Variants in RAB38 observed in about 807,000 individuals in gnomAD.
RAB38 encodes the protein RAB38, member RAS oncogene family.
Under a neutral mutation model 18.4 loss-of-function variants are expected in RAB38, and 15 were observed. The ratio of observed to expected loss-of-function variants is 0.82; its 90% CI spans 0.55 to 1.26. The LOEUF is 1.26. Among genes scored for constraint, RAB38 ranks in the 50% most tolerant of loss-of-function variants. RAB38 has a pLI of 0.00. For missense variants in RAB38, 294 were observed against 267.4 expected (o/e 1.10, Z -0.69); for synonymous variants, 101 against 104.4 (o/e 0.97, Z 0.20).
At chr11:87,949,283 CTTCT>C in the RAB38 span, among the ~76,000 whole-genome samples, 7 of 152,096 alleles carry the variant, frequency 4.6e-5, no homozygotes, top group Admixed American at 1.3e-4. Context: ...TCTCTCTTTT[CTTCT>C]TTGTTAGTTT....
At chr11:87,934,506 AATTT>A in the RAB38 span, among the ~76,000 whole-genome samples, 220 of 152,240 alleles carry the variant, frequency 1.4e-3, 2 homozygotes, top group African/African-American at 4.8e-3. Flanking sequence ...GACCCAGTTG[AATTT>A]ATTATTTGGG....
the RAB38 span, among the ~76,000 whole-genome samples, chr11:88,069,482 A>T: frequency 3.3e-5 from 5 of 152,168 alleles, no homozygotes; most frequent in Middle Eastern, 3.2e-3. Context: ...CTGGTGCGGG[A>T]TCCACTAGGT....
chr11:88,150,286 A>G (rs1943048645), intron 1 of RAB38, among the ~76,000 whole-genome samples: 1 of 152,224 alleles, frequency 6.6e-6, no homozygotes, highest in Admixed American at 6.5e-5. Flanking sequence ...TAATTCAAGT[A>G]TTCTGTCACC....
the RAB38 span, among the ~76,000 whole-genome samples, chr11:88,030,495 G>C: frequency 6.6e-6 from 1 of 151,552 alleles, no homozygotes. Flanking sequence ...GACTAATAAA[G>C]AAAAAAAGAG....
At chr11:87,826,982 C>A in the RAB38 span, among the ~76,000 whole-genome samples, 1 of 152,096 alleles carries the variant, frequency 6.6e-6, no homozygotes, top group Admixed American at 6.6e-5. Context: ...CCTGACATTT[C>A]TTTTTCCTGT....
chr11:87,895,180 T>C, the RAB38 span, among the ~76,000 whole-genome samples: 1 of 151,622 alleles, frequency 6.6e-6, no homozygotes, highest in Non-Finnish European at 1.5e-5. Context: ...AAGCAGCTTG[T>C]CTGGCTGATG....
chr11:88,054,663 A>G, the RAB38 span, among the ~76,000 whole-genome samples: 1 of 152,252 alleles, frequency 6.6e-6, no homozygotes, highest in African/African-American at 2.4e-5. Flanking sequence ...GGAAAGATAT[A>G]CAAGGGACAT....
At chr11:88,079,542 G>T in the RAB38 span, among the ~76,000 whole-genome samples, 3 of 151,584 alleles carry the variant, frequency 2.0e-5, no homozygotes, top group East Asian at 3.9e-4. Flanking sequence ...ATGGAATACT[G>T]GTCACCTGAT....
chr11:88,099,363 G>GT, the RAB38 span, among the ~76,000 whole-genome samples: 5 of 150,914 alleles, frequency 3.3e-5, no homozygotes, highest in East Asian at 3.9e-4. Flanking sequence ...ATGTTATTTT[G>GT]TTTTTTTAAT....
At chr11:88,041,375 T>C in the RAB38 span, among the ~76,000 whole-genome samples, 2 of 152,198 alleles carry the variant, frequency 1.3e-5, no homozygotes, top group Admixed American at 1.3e-4. Context: ...GGAAAGACCT[T>C]GCCTCCTTGC....
At chr11:87,879,086 C>T in the RAB38 span, among the ~76,000 whole-genome samples, 3 of 149,508 alleles carry the variant, frequency 2.0e-5, no homozygotes, top group South Asian at 4.2e-4. Context: ...ACACTCTGGT[C>T]GTTTGCTTTG....
chr11:88,054,249 T>C, the RAB38 span, among the ~76,000 whole-genome samples: 1 of 152,194 alleles, frequency 6.6e-6, no homozygotes, highest in Non-Finnish European at 1.5e-5. Flanking sequence ...ATCTTCATCT[T>C]GTTTTTTTGA....
the RAB38 span, among the ~76,000 whole-genome samples, chr11:87,850,700 A>T: frequency 1.4e-5 from 2 of 143,660 alleles, no homozygotes; most frequent in African/African-American, 5.2e-5. Context: ...GGGGGATCCA[A>T]TCCCACAACA....
chr11:88,098,841 G>A, the RAB38 span: 1 of 151,816 alleles, frequency 6.6e-6, no homozygotes, highest in Non-Finnish European at 1.5e-5. Context: ...TCTCCTCCAG[G>A]TACAGAAAAA....
chr11:88,040,900 C>T, the RAB38 span, among the ~76,000 whole-genome samples: 52 of 152,260 alleles, frequency 3.4e-4, 1 homozygote, highest in Non-Finnish European at 6.2e-4. Context: ...GATACAGCCC[C>T]TTAAAATTAT....
the RAB38 span, among the ~76,000 whole-genome samples, chr11:88,023,845 T>A: frequency 6.6e-6 from 1 of 152,058 alleles, no homozygotes; most frequent in Non-Finnish European, 1.5e-5. Context: ...TATCCCTATA[T>A]AAAAGAATGA....
chr11:87,889,896 C>A, the RAB38 span, among the ~76,000 whole-genome samples: 2 of 151,616 alleles, frequency 1.3e-5, no homozygotes, highest in African/African-American at 2.4e-5. Context: ...CCTCTGTATT[C>A]TCTGTATCTA....
chr11:87,960,152 T>C, the RAB38 span, among the ~76,000 whole-genome samples: 26,648 of 151,966 alleles, frequency 0.18, 3,723 homozygotes, highest in African/African-American at 0.39. Flanking sequence ...TGTAATTGAC[T>C]TAGAAAAGTG....
the RAB38 span, among the ~76,000 whole-genome samples, chr11:87,813,118 G>A: frequency 2.0e-5 from 3 of 152,172 alleles, no homozygotes; most frequent in East Asian, 1.9e-4. Context: ...AATGAAATGC[G>A]TCTCTGGGAG....
Sources: allele counts gnomAD v4.1 joint callset (sites outside exome capture counted in the v4.1 genomes callset), GRCh38; gene constraint gnomAD v4.1.1; transcripts MANE v1.5; gene names NCBI Gene and HGNC (gene_info 2026-07-23, HGNC 2026-07-21).